Variants in MAPK8 observed in about 807,000 individuals in gnomAD.
MAPK8 encodes the protein JUN N-terminal kinase.
Under a neutral mutation model 52.9 loss-of-function variants are expected in MAPK8, and 13 were observed. The ratio of observed to expected loss-of-function variants is 0.25; its 90% CI spans 0.16 to 0.39. The LOEUF (loss-of-function observed/expected upper bound fraction) is 0.39, where lower values mean the gene tolerates loss of function less well. MAPK8 is among the 10% of genes least tolerant of loss of function. MAPK8 has a pLI of 1.00. For missense variants in MAPK8, 300 were observed against 519.2 expected (o/e 0.58, Z 4.10); for synonymous variants, 191 against 169.8 (o/e 1.12, Z -0.97).
intron 1 of MAPK8, among the ~76,000 whole-genome samples, chr10:48,330,202 T>C (rs1231285319): frequency 6.6e-6 from 1 of 152,216 alleles, no homozygotes; most frequent in South Asian, 2.1e-4. Flanking sequence ...AAATGTATTC[T>C]TAATAGAGAA....
chr10:48,426,884 C>T, intron 9 of MAPK8, 196 bp from the exon 10 acceptor site: 1 of 518,110 alleles, frequency 1.9e-6, no homozygotes, highest in Non-Finnish European at 3.4e-6. Context: ...AGAAAAAAGA[C>T]AGTTAAACAT....
intron 1 of MAPK8, among the ~76,000 whole-genome samples, chr10:48,326,528 G>T (rs1013373266): frequency 1.3e-5 from 2 of 152,152 alleles, no homozygotes; most frequent in African/African-American, 4.8e-5. Flanking sequence ...TAGAAACAAA[G>T]ATCTAGGTGC....
At chr10:48,329,002 C>T (rs1305986294) in intron 1 of MAPK8, among the ~76,000 whole-genome samples, 3 of 152,152 alleles carry the variant, frequency 2.0e-5, no homozygotes, top group Admixed American at 2.0e-4. Context: ...TTTTCTTTTA[C>T]TTTTAACAAA....
At chr10:48,424,223 A>G (rs2043533925) in intron 7 of MAPK8, 64 bp downstream of exon 7, 1 of 1,373,890 alleles carries the variant, frequency 7.3e-7, no homozygotes, top group African/African-American at 1.4e-5. Flanking sequence ...TTCTCTAATG[A>G]AAATGAATAT....
intron 1 of MAPK8, among the ~76,000 whole-genome samples, chr10:48,395,055 A>C (rs555344453): frequency 3.9e-5 from 6 of 152,012 alleles, no homozygotes; most frequent in African/African-American, 1.4e-4. Context: ...TGAATCAAAA[A>C]ACTCAAAATT....
At chr10:48,411,771 TTC>T (rs1163627165) in intron 5 of MAPK8, among the ~76,000 whole-genome samples, 1 of 152,050 alleles carries the variant, frequency 6.6e-6, no homozygotes, top group Admixed American at 6.6e-5. Context: ...ATTTCCTTCC[TTC>T]TCTTCTTTTT....
intron 4 of MAPK8, 43 bp downstream of exon 4, chr10:48,409,980 C>G: frequency 6.2e-7 from 1 of 1,607,976 alleles, no homozygotes; most frequent in Non-Finnish European, 8.5e-7. Flanking sequence ...GTACATTTTT[C>G]TTAGATTGCT....
chr10:48,349,707 A>G (rs949893774), intron 1 of MAPK8, among the ~76,000 whole-genome samples: 1 of 152,204 alleles, frequency 6.6e-6, no homozygotes, highest in Non-Finnish European at 1.5e-5. Context: ...CACAATTAAA[A>G]GAACTAGAGA....
chr10:48,391,166 T>C (rs2041601777), intron 1 of MAPK8, among the ~76,000 whole-genome samples: 1 of 152,210 alleles, frequency 6.6e-6, no homozygotes, highest in Non-Finnish European at 1.5e-5. Flanking sequence ...GGTTGTAGTC[T>C]TCTTGCTGTA....
In MAPK8 at chr10:48,393,557, G is replaced by A. The variant is rs529057668; in HGVS notation, c.-49-8055G>A. 5.3e-5 allele frequency among the ~76,000 whole-genome samples: 8 copies of A among 152,154 alleles called. No homozygotes were observed. In the East Asian group the frequency reaches 1.5e-3, roughly 29 times the overall value. On this transcript the variant is annotated intron_variant, in intron 1 of 11. Transcript: ENST00000374189. ...CACGGACTAGATTTACCCTCTAGCT[G>A]TAAACAAATAGAAAACCCTCCTAGG...
intron 1 of MAPK8, among the ~76,000 whole-genome samples, chr10:48,374,011 C>T (rs2040495259): frequency 6.6e-6 from 1 of 152,118 alleles, no homozygotes; most frequent in South Asian, 2.1e-4. Flanking sequence ...AAACACTCCT[C>T]AGTAAATGCA....
intron 1 of MAPK8, among the ~76,000 whole-genome samples, chr10:48,356,218 A>ATGATAG (rs1161511331): frequency 2.6e-5 from 4 of 152,212 alleles, no homozygotes; most frequent in African/African-American, 9.6e-5. Flanking sequence ...ATATATGTCA[A>ATGATAG]TGATAGCACG....
intron 1 of MAPK8, among the ~76,000 whole-genome samples, chr10:48,334,425 C>T (rs566027384): frequency 9.2e-5 from 14 of 152,264 alleles, no homozygotes; most frequent in African/African-American, 3.1e-4. Flanking sequence ...ATCTGGGATA[C>T]GTCTCAGTCA....
chr10:48,371,775 T>G lies in MAPK8; in HGVS notation c.-49-29837T>G, dbSNP rs181630957. Among the ~76,000 whole-genome samples the G allele has an allele frequency of 1.2e-3, 181 of 152,302 alleles. 1 individual carries two copies. Among genetic ancestry groups the G allele is most frequent in the African/African-American group, 4.1e-3 (170 of 41,574 alleles). On this transcript the variant is annotated intron_variant, in intron 1 of 11. Coordinates refer to ENST00000374189, the MANE Select transcript of MAPK8 (RefSeq NM_001323329.2). Reference sequence around the variant, plus strand: ...AGATGCCAGTCACAGGCATAAGTTGTAGCCTTGTGTCTGACTGAATAGCTA... The same window carrying G: ...AGATGCCAGTCACAGGCATAAGTTGGAGCCTTGTGTCTGACTGAATAGCTA...
chr10:48,374,388 A>T (rs528283749), intron 1 of MAPK8, among the ~76,000 whole-genome samples: 9 of 152,290 alleles, frequency 5.9e-5, no homozygotes, highest in African/African-American at 2.2e-4. Context: ...AAAAATAACT[A>T]AGATCAGAGC....
chr10:48,356,892 AGTTT>A, intron 1 of MAPK8, among the ~76,000 whole-genome samples: 6 of 116,456 alleles, frequency 5.2e-5, no homozygotes, highest in Non-Finnish European at 9.3e-5. Flanking sequence ...CCAACTACGT[AGTTT>A]ACCAAAAAAA....
chr10:48,437,983 G>A lies in MAPK8; in HGVS notation c.*2954G>A, dbSNP rs1269054271. On this transcript the variant is annotated 3_prime_UTR_variant, in exon 12 of 12. Transcript: ENST00000374189. ...GCAGGAAAGTGAAGCTCTTTCCTTGGTTACAGATAAGACTTGGTTTACACT... is the reference window on the plus strand; with the variant it reads ...GCAGGAAAGTGAAGCTCTTTCCTTGATTACAGATAAGACTTGGTTTACACT... The A allele has an allele frequency of 6.6e-6, 1 of 152,228 alleles. No individual in the cohort carries two copies. The highest frequency in any genetic ancestry group is 1.5e-5 in the Non-Finnish European group (1 of 68,056). 9.4% of individuals were successfully genotyped at this position (152,228 alleles called of 1,614,324 possible). A position where few individuals can be genotyped will look rare whatever the true frequency, so the allele number is the denominator to read the frequency against.
At chr10:48,399,391 G>A (rs918765490) in intron 1 of MAPK8, among the ~76,000 whole-genome samples, 21 of 152,198 alleles carry the variant, frequency 1.4e-4, no homozygotes, top group Non-Finnish European at 1.5e-5. Flanking sequence ...TTCTGCCAAG[G>A]GTACTACTAG....
chr10:48,307,796 AC>A (rs1841552259), intron 1 of MAPK8, among the ~76,000 whole-genome samples: 1 of 152,146 alleles, frequency 6.6e-6, no homozygotes, highest in Non-Finnish European at 1.5e-5. Flanking sequence ...GGCAATTAGA[AC>A]ATCTGTTTTT....
Sources: gnomAD v4.1 joint callset for allele counts (sites outside exome capture counted in the v4.1 genomes callset) on GRCh38, gnomAD v4.1.1 for gene constraint, MANE v1.5 for transcripts, NCBI Gene and HGNC (gene_info 2026-07-23, HGNC 2026-07-21) for gene names.